Variants in CDH8 observed in about 807,000 individuals in gnomAD.
CDH8 encodes the protein cadherin-8.
CDH8 carries 17 observed loss-of-function variants against 68.1 expected under a neutral mutation model. That is an observed-to-expected ratio of 0.25 (90% confidence interval 0.17 to 0.37). The LOEUF (loss-of-function observed/expected upper bound fraction) is 0.37. Among genes scored for constraint, CDH8 ranks in the 10% least tolerant of loss-of-function variants. The pLI is 1.00. For missense variants in CDH8, 763 were observed against 999.3 expected (o/e 0.76, Z 3.19); for synonymous variants, 372 against 365.1 (o/e 1.02, Z -0.21).
intron 7 of CDH8, among the ~76,000 whole-genome samples, chr16:61,797,651 C>T (rs1477830354): frequency 6.6e-6 from 1 of 152,116 alleles, no homozygotes; most frequent in Non-Finnish European, 1.5e-5. Flanking sequence ...TACTTTAAAA[C>T]ATGGCATCAC....
chr16:61,799,695 T>C (rs1323292146), intron 7 of CDH8, among the ~76,000 whole-genome samples: 3 of 152,136 alleles, frequency 2.0e-5, no homozygotes, highest in Non-Finnish European at 4.4e-5. Flanking sequence ...GTTTACCATA[T>C]AGAAAAAAAC....
At chr16:61,893,338 T>C (rs1284651511) in intron 3 of CDH8, among the ~76,000 whole-genome samples, 1 of 152,022 alleles carries the variant, frequency 6.6e-6, no homozygotes, top group Non-Finnish European at 1.5e-5. Context: ...AATAAGGTCA[T>C]ACGCTAAGGT....
intron 2 of CDH8, among the ~76,000 whole-genome samples, chr16:61,959,743 A>T (rs1400841110): frequency 6.7e-6 from 1 of 149,962 alleles, no homozygotes; most frequent in Non-Finnish European, 1.5e-5. Flanking sequence ...CATATGTATG[A>T]TATCTATATA....
Position 61,655,716 on chromosome 16 carries a change from A to G in CDH8, c.1660T>C (p.Ser554Pro). 1 of 1,612,954 alleles carries G rather than the reference A, an allele frequency of 6.2e-7. No individual in the cohort carries two copies. Residue 554 changes from serine (S) to proline (P), a missense_variant, in exon 11 of 12, where the codon TCC (serine) becomes CCC (proline). Ser to Pro is a moderately conservative substitution (Grantham distance 74). Transcript: ENST00000577390. ...TTATGCTTTGCCAAAATACTGAGGG[A>G]ATTATCTGAAAAAAGTAAAAATTAC... ...NFTIKKNEDNSLSILAKHNGF... is the reference protein window; with the variant it reads ...NFTIKKNEDNPLSILAKHNGF...
chr16:61,827,660 G>T (rs1034053472), intron 4 of CDH8, among the ~76,000 whole-genome samples: 2 of 151,800 alleles, frequency 1.3e-5, no homozygotes, highest in African/African-American at 4.8e-5. Flanking sequence ...GGAGAATGTT[G>T]TTTAGCAAAT....
At chr16:61,871,941 C>T (rs1293848025) in intron 3 of CDH8, among the ~76,000 whole-genome samples, 2 of 143,514 alleles carry the variant, frequency 1.4e-5, no homozygotes, top group African/African-American at 5.1e-5. Context: ...TGTCAGAAAA[C>T]AGAGCAGTAT....
intron 10 of CDH8, among the ~76,000 whole-genome samples, chr16:61,706,677 A>G (rs948322916): frequency 2.0e-5 from 3 of 151,300 alleles, no homozygotes; most frequent in Non-Finnish European, 4.4e-5. Context: ...AAACCAAAGC[A>G]TGTATAAGGG....
chr16:61,809,214 A>C (rs1374382563), intron 7 of CDH8, among the ~76,000 whole-genome samples: 2 of 152,218 alleles, frequency 1.3e-5, no homozygotes, highest in Non-Finnish European at 2.9e-5. Flanking sequence ...TACTAAAAAA[A>C]AACAAAAAAA....
intron 8 of CDH8, among the ~76,000 whole-genome samples, chr16:61,764,337 G>T (rs1960538400): frequency 6.6e-6 from 1 of 152,066 alleles, no homozygotes; most frequent in Non-Finnish European, 1.5e-5. Context: ...GAAGGAGTTA[G>T]CTGAGAAAGG....
chr16:61,922,932 T>C (rs1964394260), intron 2 of CDH8, among the ~76,000 whole-genome samples: 2 of 152,232 alleles, frequency 1.3e-5, no homozygotes, highest in Admixed American at 6.5e-5. Context: ...AATACATTCA[T>C]ATAATTTGTA....
intron 2 of CDH8, chr16:61,940,834 G>A (rs1428576434): frequency 6.6e-6 from 1 of 152,184 alleles, no homozygotes; most frequent in Non-Finnish European, 1.5e-5. Flanking sequence ...CGGAACACCT[G>A]GAGAGATGCC....
At chr16:61,988,551 A>C (rs1228189943) in intron 2 of CDH8, among the ~76,000 whole-genome samples, 2 of 152,162 alleles carry the variant, frequency 1.3e-5, no homozygotes, top group Non-Finnish European at 2.9e-5. Context: ...GCCAGTCTCC[A>C]TGAGCTGCAA....
chr16:61,905,200 A>G (rs985967942), intron 2 of CDH8, among the ~76,000 whole-genome samples: 1 of 152,136 alleles, frequency 6.6e-6, no homozygotes, highest in Non-Finnish European at 1.5e-5. Context: ...ATCACATGCA[A>G]TCCCGCCTGG....
At chr16:61,942,502 TAAAACAAAAC>T (rs1178635633) in intron 2 of CDH8, among the ~76,000 whole-genome samples, 4 of 151,952 alleles carry the variant, frequency 2.6e-5, no homozygotes, top group South Asian at 4.1e-4. Flanking sequence ...AGACTGCCTC[TAAAACAAAAC>T]AAAACAAAAC....
Position 61,782,922 on chromosome 16 carries a change from C to T in CDH8, c.1414+6424G>A, listed in dbSNP as rs959629995. On this transcript the variant is annotated intron_variant, in intron 8 of 11. Transcript: ENST00000577390. ...TAACAAACAGAAAGGACATCCACAC[C>T]GAAAACCTATCTGTACATCACCATC... 1.8e-4 allele frequency among the ~76,000 whole-genome samples: 27 copies of T among 152,092 alleles called. 1 individual carries two copies. The highest frequency in any genetic ancestry group is 3.4e-4 in the Non-Finnish European group (23 of 68,016).
intron 2 of CDH8, among the ~76,000 whole-genome samples, chr16:61,935,265 T>A (rs1327126305): frequency 6.6e-6 from 1 of 152,192 alleles, no homozygotes; most frequent in African/African-American, 2.4e-5. Context: ...CTTTAGGATG[T>A]TTATGTATGA....
intron 2 of CDH8, among the ~76,000 whole-genome samples, chr16:62,006,552 C>T (rs1965979126): frequency 6.6e-6 from 1 of 152,122 alleles, no homozygotes; most frequent in African/African-American, 2.4e-5. Flanking sequence ...CTGGAAGGTA[C>T]TAGGTAGTCA....
At chr16:61,733,870 T>C (rs1393172940) in intron 8 of CDH8, among the ~76,000 whole-genome samples, 1 of 152,050 alleles carries the variant, frequency 6.6e-6, no homozygotes, top group East Asian at 1.9e-4. Flanking sequence ...ACCACAGTGA[T>C]CCAGTAAATG....
Position 61,647,359 on chromosome 16 carries a change from CA to C in CDH8, c.*6248del, listed in dbSNP as rs1963227539. On this transcript the variant is annotated 3_prime_UTR_variant, in exon 12 of 12. Transcript: ENST00000577390. Reference sequence around the variant, plus strand: ...CAAAAACATCCATTCACATACTCAACAATCAGACTTGACAAAGATGACAGCT... The same window carrying C: ...CAAAAACATCCATTCACATACTCAACATCAGACTTGACAAAGATGACAGCT... The C allele has an allele frequency of 7.3e-6, 1 of 136,062 alleles. No homozygotes were observed. Among genetic ancestry groups the C allele is most frequent in the African/African-American group, 3.0e-5 (1 of 32,822 alleles). The allele number at this position is 136,062 out of a possible 1,614,324, so 8.4% of individuals were successfully genotyped here.
Sources: allele counts gnomAD v4.1 joint callset (sites outside exome capture counted in the v4.1 genomes callset), GRCh38; gene constraint gnomAD v4.1.1; transcripts MANE v1.5; gene names NCBI Gene and HGNC (gene_info 2026-07-23, HGNC 2026-07-21).